SLC39A11: variants seen among roughly 807,000 people sequenced by gnomAD.
SLC39A11 encodes the protein solute carrier family 39 member 11.
SLC39A11 carries 33 observed loss-of-function variants against 36.1 expected under a neutral mutation model. The ratio of observed to expected loss-of-function variants is 0.91; its 90% confidence interval spans 0.69 to 1.22. SLC39A11 has a LOEUF of 1.22. Ranked by LOEUF, SLC39A11 falls within the 50% of genes most tolerant of loss-of-function variation. SLC39A11 has a pLI of 0.00. For synonymous variants in SLC39A11, 166 were observed against 170.3 expected (o/e 0.97, Z 0.20); for missense variants, 432 against 430.3 (o/e 1.00, Z -0.03).
chr17:73,062,762 T>G (rs1048090445), intron 3 of SLC39A11, among the ~76,000 whole-genome samples: 1 of 152,138 alleles, frequency 6.6e-6, no homozygotes, highest in African/African-American at 2.4e-5. Context: ...GGGATGGTTT[T>G]GGGATGACAC....
At chr17:72,928,281 C>T (rs1345852350) in intron 5 of SLC39A11, among the ~76,000 whole-genome samples, 2 of 152,086 alleles carry the variant, frequency 1.3e-5, no homozygotes, top group Admixed American at 1.3e-4. Flanking sequence ...GCAGTTGGCT[C>T]CATGAAGTAT....
At chr17:72,978,866 G>C in intron 4 of SLC39A11, among the ~76,000 whole-genome samples, 1 of 152,208 alleles carries the variant, frequency 6.6e-6, no homozygotes. Context: ...ACTCTGGTAA[G>C]GCCCTGCCTT....
At chr17:72,847,405 A>T (rs1807802) in intron 6 of SLC39A11, among the ~76,000 whole-genome samples, 96 of 1,226 alleles carry the variant, frequency 0.078, 1 homozygote, top group Admixed American at 0.12. Context: ...CTGTCTCATA[A>T]AAAAAAAAAA....
At chr17:72,835,909 G>C (rs1251494668) in intron 6 of SLC39A11, among the ~76,000 whole-genome samples, 1 of 152,200 alleles carries the variant, frequency 6.6e-6, no homozygotes, top group African/African-American at 2.4e-5. Flanking sequence ...CCAAGTCTTG[G>C]CCTTTCTGCT....
intron 5 of SLC39A11, among the ~76,000 whole-genome samples, chr17:72,937,760 A>T (rs1285896285): frequency 6.6e-6 from 1 of 152,198 alleles, no homozygotes; most frequent in Non-Finnish European, 1.5e-5. Context: ...GGCACAACCA[A>T]TTCACTAAGA....
chr17:72,843,988 C>T (rs1165477332), intron 6 of SLC39A11, among the ~76,000 whole-genome samples: 2 of 151,890 alleles, frequency 1.3e-5, no homozygotes, highest in Non-Finnish European at 2.9e-5. Flanking sequence ...AAATGTCATC[C>T]TCAGGACATA....
At chr17:72,861,490 C>A (rs929385281) in intron 5 of SLC39A11, among the ~76,000 whole-genome samples, 2 of 151,218 alleles carry the variant, frequency 1.3e-5, no homozygotes, top group African/African-American at 4.9e-5. Context: ...AATGTTGCAG[C>A]CAGGAAGATG....
chr17:73,078,452 AATAAAACTGTTTC>A (rs1198643331), intron 3 of SLC39A11, among the ~76,000 whole-genome samples: 1 of 151,824 alleles, frequency 6.6e-6, no homozygotes, highest in Non-Finnish European at 1.5e-5. Flanking sequence ...GATTTGTTTA[AATAAAACTGTTTC>A]ATTAGTCTTT....
At position 72,798,728 on chromosome 17, in the gene SLC39A11, C is replaced by CA. The variant is rs1443279771; in HGVS notation, c.601+50905dup. ...AACACTAATCTCACCAAGGGGGCCCCACCCTCCTCACCTCATCTAAACCTA... is the reference window on the plus strand; with the variant it reads ...AACACTAATCTCACCAAGGGGGCCCCAACCCTCCTCACCTCATCTAAACCTA... On this transcript the variant is annotated intron_variant, in intron 6 of 9. Transcript: ENST00000255559. Among the ~76,000 whole-genome samples the CA allele has an allele frequency of 2.0e-5, 3 of 152,012 alleles. No individual in the cohort carries two copies. In the East Asian group the frequency reaches 5.8e-4, roughly 29 times the overall value.
rs1156955674 is a variant in SLC39A11, at chr17:73,088,767, T to C, written c.-3A>G. 3.1e-6 allele frequency: 5 copies of C among 1,596,850 alleles called. No individual in the cohort carries two copies. The highest frequency in any genetic ancestry group is 2.3e-5 in the East Asian group (1 of 43,814). ...ACAGAGCTGTGGCCTTGGAGCATGC[T>C]GGATACAGCTGTGCAAGAGGAGCGA... On this transcript the variant is annotated 5_prime_UTR_variant, in exon 2 of 10. Coordinates refer to ENST00000255559, the MANE Select transcript of SLC39A11 (RefSeq NM_139177.4).
At chr17:72,794,350 A>G (rs1598761272) in intron 6 of SLC39A11, among the ~76,000 whole-genome samples, 2 of 152,236 alleles carry the variant, frequency 1.3e-5, no homozygotes, top group East Asian at 1.9e-4. Flanking sequence ...CAAGCCAGCG[A>G]GCGCGGTGAG....
At chr17:72,982,254 C>T (rs1710090429) in intron 4 of SLC39A11, among the ~76,000 whole-genome samples, 1 of 152,266 alleles carries the variant, frequency 6.6e-6, no homozygotes, top group African/African-American at 2.4e-5. Context: ...GGAAGGGCAA[C>T]TTGAGAATTT....
chr17:72,969,213 G>A lies in SLC39A11; in HGVS notation c.307-21338C>T, dbSNP rs370091044. 1.8e-3 allele frequency among the ~76,000 whole-genome samples: 281 copies of A among 152,296 alleles called. 2 individuals carry two copies. The highest frequency in any genetic ancestry group is 6.4e-3 in the African/African-American group (268 of 41,558). ...TAGGGTAAGGATGGGAAAACCAGCT[G>A]GTTCCAAGGAGACCAAAATGAAGCC... is the stretch of plus-strand genomic sequence containing the variant. On this transcript the variant is annotated intron_variant, in intron 4 of 9. Coordinates refer to ENST00000255559, the MANE Select transcript of SLC39A11 (RefSeq NM_139177.4).
At chr17:72,678,667 T>G (rs901829561) in intron 7 of SLC39A11, among the ~76,000 whole-genome samples, 13 of 151,850 alleles carry the variant, frequency 8.6e-5, no homozygotes, top group African/African-American at 3.1e-4. Flanking sequence ...ATTGCGCCAC[T>G]GCACTCCAGC....
intron 7 of SLC39A11, among the ~76,000 whole-genome samples, chr17:72,717,309 T>C (rs906390176): frequency 6.6e-6 from 1 of 152,242 alleles, no homozygotes; most frequent in Middle Eastern, 3.4e-3. Context: ...GGAGACCCGA[T>C]GCCCTGGTTT....
At chr17:72,654,491 G>A (rs996209853) in intron 7 of SLC39A11, among the ~76,000 whole-genome samples, 2 of 152,200 alleles carry the variant, frequency 1.3e-5, no homozygotes, top group African/African-American at 4.8e-5. Context: ...ATATATTTAT[G>A]TTGAGGACAA....
chr17:72,968,239 A>T (rs555856237), intron 4 of SLC39A11, among the ~76,000 whole-genome samples: 11 of 152,216 alleles, frequency 7.2e-5, no homozygotes, highest in Non-Finnish European at 1.2e-4. Context: ...TTTAAAAGGA[A>T]GGCATCTGCG....
chr17:72,840,840 G>A (rs1332720020), intron 6 of SLC39A11, among the ~76,000 whole-genome samples: 1 of 151,904 alleles, frequency 6.6e-6, no homozygotes, highest in Non-Finnish European at 1.5e-5. Context: ...CAGATCACAA[G>A]GTCAGGAGAT....
At chr17:73,081,984 C>T (rs527803136) in intron 3 of SLC39A11, among the ~76,000 whole-genome samples, 45 of 150,950 alleles carry the variant, frequency 3.0e-4, no homozygotes, top group African/African-American at 9.7e-4. Flanking sequence ...TAGGGGTGAG[C>T]GATAAAAGAC....
Sources: gnomAD v4.1 joint callset for allele counts (sites outside exome capture counted in the v4.1 genomes callset) on GRCh38, gnomAD v4.1.1 for gene constraint, MANE v1.5 for transcripts, NCBI Gene and HGNC (gene_info 2026-07-23, HGNC 2026-07-21) for gene names.